SYN3: variants seen among roughly 807,000 people sequenced by gnomAD.
The protein encoded by SYN3 is synapsin III.
Under a neutral mutation model 65.8 loss-of-function variants are expected in SYN3, and 35 were observed. That is an observed-to-expected ratio of 0.53 (90% confidence interval 0.41 to 0.70). SYN3 has a LOEUF of 0.70. SYN3 is among the 30% of genes least tolerant of loss of function. The pLI, the probability that SYN3 is intolerant of heterozygous loss-of-function variation, is 0.00. For missense variants in SYN3, 680 were observed against 749.0 expected (o/e 0.91, Z 1.08); for synonymous variants, 270 against 292.9 (o/e 0.92, Z 0.80).
intron 7 of SYN3, among the ~76,000 whole-genome samples, chr22:32,581,014 T>C (rs2058932215): frequency 6.6e-6 from 1 of 152,212 alleles, no homozygotes; most frequent in Non-Finnish European, 1.5e-5. Context: ...AGGAAGCAAA[T>C]CAACATCTCT....
chr22:32,910,719 T>G (rs1411673530), intron 4 of SYN3, among the ~76,000 whole-genome samples: 1 of 152,168 alleles, frequency 6.6e-6, no homozygotes, highest in African/African-American at 2.4e-5. Flanking sequence ...ATAGCTAACC[T>G]CTCAGTGCCT....
At chr22:32,874,263 C>T (rs1262529525) in intron 4 of SYN3, among the ~76,000 whole-genome samples, 2 of 152,204 alleles carry the variant, frequency 1.3e-5, no homozygotes, top group Admixed American at 6.5e-5. Context: ...CCTTTAATCT[C>T]ACACAAACTG....
intron 2 of SYN3, among the ~76,000 whole-genome samples, chr22:32,990,391 TCCATCCATCCATCCAG>T (rs1272445239): frequency 4.1e-4 from 53 of 128,580 alleles, no homozygotes; most frequent in African/African-American, 1.6e-3. Flanking sequence ...CATCCACCCA[TCCATCCATCCATCCAG>T]CCATCCATCC....
intron 6 of SYN3, among the ~76,000 whole-genome samples, chr22:32,645,213 G>A (rs1489492570): frequency 6.6e-6 from 1 of 152,150 alleles, no homozygotes; most frequent in Non-Finnish European, 1.5e-5. Context: ...TGAGAGCTAA[G>A]GGCCGAGGAG....
intron 12 of SYN3, 49 bp from the exon 13 acceptor site, chr22:32,518,383 T>C (rs757073089): frequency 6.2e-7 from 1 of 1,600,290 alleles, no homozygotes; most frequent in Non-Finnish European, 8.5e-7. Context: ...TTTCTTAGGA[T>C]AGATATGGCT....
chr22:32,976,698 G>T (rs2052199937), intron 3 of SYN3, among the ~76,000 whole-genome samples: 1 of 152,142 alleles, frequency 6.6e-6, no homozygotes, highest in Non-Finnish European at 1.5e-5. Flanking sequence ...AATGCAAAAT[G>T]TGCTGTCTCC....
intron 7 of SYN3, among the ~76,000 whole-genome samples, chr22:32,590,361 G>C (rs1222431478): frequency 1.3e-5 from 2 of 152,122 alleles, no homozygotes; most frequent in African/African-American, 4.8e-5. Context: ...ATTCATTCAA[G>C]TTGCTATATG....
chr22:32,804,178 C>T (rs1028486196), intron 6 of SYN3, among the ~76,000 whole-genome samples: 1 of 152,238 alleles, frequency 6.6e-6, no homozygotes, highest in East Asian at 1.9e-4. Flanking sequence ...ATCTTCGATG[C>T]TCTGGCACGG....
chr22:32,535,033 G>A (rs755337550), intron 9 of SYN3, among the ~76,000 whole-genome samples: 9 of 152,182 alleles, frequency 5.9e-5, no homozygotes, highest in Non-Finnish European at 1.3e-4. Flanking sequence ...TTCTGGGCCC[G>A]GGGGCTGACT....
intron 1 of SYN3, among the ~76,000 whole-genome samples, chr22:33,028,029 G>A (rs2053668668): frequency 6.6e-6 from 1 of 152,214 alleles, no homozygotes; most frequent in Non-Finnish European, 1.5e-5. Flanking sequence ...CCCCAAGGCT[G>A]TGTGTCTAGT....
intron 7 of SYN3, among the ~76,000 whole-genome samples, chr22:32,589,184 G>T (rs1354676738): frequency 1.3e-5 from 2 of 152,182 alleles, no homozygotes; most frequent in Non-Finnish European, 2.9e-5. Context: ...TTGCTCTCTT[G>T]CTCTTGAATT....
At chr22:32,562,253 C>T (rs996335195) in intron 7 of SYN3, among the ~76,000 whole-genome samples, 3 of 152,234 alleles carry the variant, frequency 2.0e-5, no homozygotes, top group Non-Finnish European at 4.4e-5. Context: ...CGAAACGTCT[C>T]CAGCCGACTG....
At chr22:32,728,855 G>C (rs2061232890) in intron 6 of SYN3, among the ~76,000 whole-genome samples, 1 of 152,170 alleles carries the variant, frequency 6.6e-6, no homozygotes, top group African/African-American at 2.4e-5. Context: ...GGGGTGCGGT[G>C]GGTAGTCAGT....
At chr22:32,653,530 T>C (rs1363215724) in intron 6 of SYN3, among the ~76,000 whole-genome samples, 1 of 152,120 alleles carries the variant, frequency 6.6e-6, no homozygotes, top group Non-Finnish European at 1.5e-5. Context: ...CAGAGTCCTT[T>C]ATGGGAGGGG....
intron 4 of SYN3, among the ~76,000 whole-genome samples, chr22:32,912,386 T>C (rs1256546021): frequency 7.0e-6 from 1 of 142,382 alleles, no homozygotes; most frequent in Non-Finnish European, 1.6e-5. Context: ...CTGAGAAAAA[T>C]GTGGCTGAAA....
At chr22:32,872,479 C>G (rs1601594031) in intron 4 of SYN3, among the ~76,000 whole-genome samples, 1 of 152,120 alleles carries the variant, frequency 6.6e-6, no homozygotes, top group African/African-American at 2.4e-5. Flanking sequence ...TTCATAACCC[C>G]AGGGAATTCA....
At chr22:32,906,067 T>G (rs922773701) in intron 4 of SYN3, among the ~76,000 whole-genome samples, 5 of 152,130 alleles carry the variant, frequency 3.3e-5, no homozygotes, top group African/African-American at 9.7e-5. Context: ...TGAAACTAAC[T>G]GACCCCACCT....
chr22:32,743,534 T>A (rs2044837782), intron 6 of SYN3, among the ~76,000 whole-genome samples: 1 of 152,190 alleles, frequency 6.6e-6, no homozygotes, highest in Non-Finnish European at 1.5e-5. Context: ...CCGTCCATGC[T>A]GCCTGCTGCC....
Position 32,540,976 on chromosome 22 carries a change from T to C in SYN3, c.917+595A>G, listed in dbSNP as rs530216645. ...CTCTGTATCTGAATGTTTCTGAAATTGATAATTGAGTTGGGAGATATTTTT... is the reference window on the plus strand; with the variant it reads ...CTCTGTATCTGAATGTTTCTGAAATCGATAATTGAGTTGGGAGATATTTTT... On this transcript the variant is annotated intron_variant, in intron 8 of 13. Coordinates refer to ENST00000358763, the MANE Select transcript of SYN3 (RefSeq NM_003490.4). Among the ~76,000 whole-genome samples the C allele has an allele frequency of 5.3e-5, 8 of 152,318 alleles. No homozygotes were observed. In the South Asian group the frequency reaches 1.7e-3, roughly 32 times the overall value.
Sources: allele counts gnomAD v4.1 joint callset (sites outside exome capture counted in the v4.1 genomes callset), GRCh38; gene constraint gnomAD v4.1.1; transcripts MANE v1.5; gene names NCBI Gene and HGNC (gene_info 2026-07-23, HGNC 2026-07-21).